The following GPC6 variants were observed in gnomAD, a reference collection of about 807,000 sequenced individuals.
The protein encoded by GPC6 is glypican 6.
GPC6 carries 14 observed loss-of-function variants against 55.2 expected under a neutral mutation model. The observed-to-expected ratio is 0.25, with a 90% CI of 0.17 to 0.40. The LOEUF is 0.40. Ranked by LOEUF, GPC6 falls within the 10% of genes least tolerant of loss-of-function variation. GPC6 has a pLI of 1.00. For missense variants in GPC6, 641 were observed against 708.5 expected (o/e 0.90, Z 1.08); for synonymous variants, 278 against 259.6 (o/e 1.07, Z -0.68).
At chr13:93,984,297 A>AT (rs1344341674) in intron 3 of GPC6, among the ~76,000 whole-genome samples, 2 of 152,124 alleles carry the variant, frequency 1.3e-5, no homozygotes, top group Non-Finnish European at 2.9e-5. Flanking sequence ...TATTCTGGGC[A>AT]TTGTTTGATG....
intron 3 of GPC6, among the ~76,000 whole-genome samples, chr13:93,963,730 T>C (rs1224982238): frequency 6.6e-6 from 1 of 152,200 alleles, no homozygotes; most frequent in African/African-American, 2.4e-5. Flanking sequence ...TGTAGGAAAA[T>C]CCTTGTGTAC....
chr13:93,644,043 C>T (rs1417170966), intron 2 of GPC6, among the ~76,000 whole-genome samples: 1 of 151,976 alleles, frequency 6.6e-6, no homozygotes, highest in African/African-American at 2.4e-5. Context: ...GCTATGTAAT[C>T]CCATCAGCTT....
chr13:94,077,089 A>G (rs1884943807), intron 4 of GPC6, among the ~76,000 whole-genome samples: 1 of 151,660 alleles, frequency 6.6e-6, no homozygotes, highest in African/African-American at 2.4e-5. Context: ...TTAGAACAGT[A>G]ACAGTATTAA....
intron 1 of GPC6, among the ~76,000 whole-genome samples, chr13:93,360,047 A>G (rs1880990544): frequency 6.6e-6 from 1 of 152,228 alleles, no homozygotes; most frequent in Non-Finnish European, 1.5e-5. Context: ...GGGGAAACTC[A>G]GGAACATGAT....
At chr13:94,120,585 T>G (rs910531132) in intron 4 of GPC6, among the ~76,000 whole-genome samples, 2 of 152,046 alleles carry the variant, frequency 1.3e-5, no homozygotes, top group African/African-American at 4.8e-5. Flanking sequence ...TAGCAACTGA[T>G]AGCATTTTAC....
intron 2 of GPC6, among the ~76,000 whole-genome samples, chr13:93,574,171 C>A (rs185366631): frequency 1.3e-5 from 2 of 152,238 alleles, no homozygotes; most frequent in Non-Finnish European, 2.9e-5. Context: ...TGTTAAAGTC[C>A]TAACCTGTAA....
At chr13:93,564,241 T>TC (rs985220270) in intron 2 of GPC6, among the ~76,000 whole-genome samples, 52 of 152,224 alleles carry the variant, frequency 3.4e-4, no homozygotes, top group African/African-American at 1.2e-3. Context: ...TAACTTTTTT[T>TC]CCTAATCCTA....
chr13:93,893,158 C>T (rs2140319846), intron 3 of GPC6, among the ~76,000 whole-genome samples: 1 of 151,672 alleles, frequency 6.6e-6, no homozygotes, highest in East Asian at 2.0e-4. Context: ...CTCCCAGGCT[C>T]AAGCAATTCT....
rs142240819 is a variant in GPC6 at position 94,248,674 on chromosome 13, TGAGA to T, written c.878-37655_878-37652del. Among the ~76,000 whole-genome samples the T allele has an allele frequency of 1.7e-3, 254 of 146,628 alleles. 2 individuals are homozygous for T. The highest frequency in any genetic ancestry group is 5.8e-3 in the African/African-American group (231 of 39,952). ...TGATATCCCCATGACCATTTCAGGC[TGAGA>T]GAGAGAGAGAGAGAGAGAGGTTTAT... On this transcript the variant is annotated intron_variant, in intron 4 of 8. Transcript: ENST00000377047.
chr13:94,272,463 C>CTTTTTTTTTTTTTTTTTTTTTTTTTT (rs555664508), intron 4 of GPC6, among the ~76,000 whole-genome samples: 49 of 85,742 alleles, frequency 5.7e-4, no homozygotes, highest in South Asian at 8.4e-4. Flanking sequence ...CTTTTCTTTT[C>CTTTTTTTTTTTTTTTTTTTTTTTTTT]TTTTTTTTTT....
intron 3 of GPC6, among the ~76,000 whole-genome samples, chr13:93,879,810 A>G (rs561419042): frequency 6.6e-6 from 1 of 152,224 alleles, no homozygotes; most frequent in Admixed American, 6.5e-5. Flanking sequence ...TTCGCATCCT[A>G]CTCATCTGAA....
chr13:94,326,653 C>T (rs1877135500), intron 6 of GPC6, among the ~76,000 whole-genome samples: 1 of 152,228 alleles, frequency 6.6e-6, no homozygotes, highest in Admixed American at 6.5e-5. Flanking sequence ...ATTGACTATC[C>T]TTTTCATCCA....
Position 93,917,775 on chromosome 13 carries a change from G to A in GPC6, c.711+87230G>A, listed in dbSNP as rs575593360. On this transcript the variant is annotated intron_variant, in intron 3 of 8. Coordinates refer to ENST00000377047, the MANE Select transcript of GPC6 (RefSeq NM_005708.5). The stretch of plus-strand genomic sequence containing the variant: ...GGGACATGTCACATCATAAATCTGC[G>A]TAAGTGTCAAATTTCTCAGCAGTTA... Among the ~76,000 whole-genome samples the A allele has an allele frequency of 7.2e-5, 11 of 152,250 alleles. 1 individual carries two copies. The South Asian group carries it at 1.9e-3, about 26-fold the overall frequency.
At chr13:93,716,741 A>G (rs1030331861) in intron 2 of GPC6, among the ~76,000 whole-genome samples, 2 of 151,750 alleles carry the variant, frequency 1.3e-5, no homozygotes, top group Non-Finnish European at 3.0e-5. Context: ...CAGTGTTTAT[A>G]GTTTACAGTA....
chr13:94,127,307 G>T (rs1008331833), intron 4 of GPC6, among the ~76,000 whole-genome samples: 1 of 152,042 alleles, frequency 6.6e-6, no homozygotes, highest in Non-Finnish European at 1.5e-5. Context: ...TTGGATCATG[G>T]GGACAGATCC....
intron 3 of GPC6, among the ~76,000 whole-genome samples, chr13:93,998,707 AT>A (rs1429298602): frequency 2.0e-5 from 3 of 152,088 alleles, no homozygotes; most frequent in Non-Finnish European, 4.4e-5. Flanking sequence ...AAATTAATTA[AT>A]TTTTAATTGA....
intron 1 of GPC6, among the ~76,000 whole-genome samples, chr13:93,343,323 T>C (rs1236031349): frequency 6.6e-6 from 1 of 152,192 alleles, no homozygotes; most frequent in African/African-American, 2.4e-5. Context: ...CATACGTTCC[T>C]TGTGCTTGCA....
chr13:93,254,373 A>G (rs1463522848), intron 1 of GPC6, among the ~76,000 whole-genome samples: 3 of 152,218 alleles, frequency 2.0e-5, no homozygotes, highest in Non-Finnish European at 1.5e-5. Flanking sequence ...TACAGCTACC[A>G]TATTAAAGTG....
intron 2 of GPC6, among the ~76,000 whole-genome samples, chr13:93,691,479 G>GTTTTTTTTT (rs66475646): frequency 6.8e-6 from 1 of 147,828 alleles, no homozygotes; most frequent in Non-Finnish European, 1.5e-5. Context: ...GCTTGCCATG[G>GTTTTTTTTT]TTTTTTTTTT....
Sources: allele counts gnomAD v4.1 joint callset (sites outside exome capture counted in the v4.1 genomes callset), GRCh38; gene constraint gnomAD v4.1.1; transcripts MANE v1.5; gene names NCBI Gene and HGNC (gene_info 2026-07-23, HGNC 2026-07-21).